The following RAD51AP1 variants were observed in gnomAD, a reference collection of about 807,000 sequenced individuals.
RAD51AP1 encodes the protein RAD51 associated protein 1.
A neutral mutation model predicts 34.3 loss-of-function variants in RAD51AP1; 14 were observed. That is an observed-to-expected ratio of 0.41 (90% CI 0.27 to 0.64). The LOEUF (loss-of-function observed/expected upper bound fraction) is 0.64. RAD51AP1 is among the 30% of genes least tolerant of loss of function. The pLI, the probability that RAD51AP1 is intolerant of heterozygous loss-of-function variation, is 0.33. For synonymous variants in RAD51AP1, 114 were observed against 129.8 expected, an observed-to-expected ratio of 0.88 and a Z score of 0.83; for missense variants, 348 against 386.9, an observed-to-expected ratio of 0.90 and a Z score of 0.84.
Position 4,548,037 on chromosome 12 carries a change from A to T in RAD51AP1, c.320-55A>T, listed in dbSNP as rs7314915. 337,812 of 1,508,472 alleles carry T rather than the reference A, an allele frequency of 0.22. 41,552 individuals carry two copies. Among genetic ancestry groups the T allele is most frequent in the African/African-American group, 0.44 (30,413 of 69,750 alleles). The allele number at this position is 1,508,472 out of a possible 1,614,324, so 93.4% of individuals were successfully genotyped here. ...TACATTTTAGTACTAATTTTCCTATATCTAGACATTGATTAAGATATATCT... is the reference window on the plus strand; with the variant it reads ...TACATTTTAGTACTAATTTTCCTATTTCTAGACATTGATTAAGATATATCT... On this transcript the variant is annotated intron_variant, in intron 4 of 8. Coordinates refer to ENST00000352618, the MANE Select transcript of RAD51AP1 (RefSeq NM_006479.5).
chr12:4,557,596 C>T (rs932790142), intron 8 of RAD51AP1, among the ~76,000 whole-genome samples: 1 of 151,954 alleles, frequency 6.6e-6, no homozygotes, highest in Non-Finnish European at 1.5e-5. Flanking sequence ...ATTAATGCTT[C>T]CCCAATGAAG....
At chr12:4,541,807 T>C (rs1944468342) in intron 1 of RAD51AP1, 77 bp from the exon 2 acceptor site, 1 of 548,638 alleles carries the variant, frequency 1.8e-6, no homozygotes, top group Admixed American at 3.2e-5. Flanking sequence ...AAATAAATAA[T>C]ATTCATTAAT....
intron 2 of RAD51AP1, 65 bp downstream of exon 2, chr12:4,541,998 C>A: frequency 1.8e-6 from 2 of 1,087,164 alleles, no homozygotes; most frequent in Non-Finnish European, 2.6e-6. Flanking sequence ...ATTTATATGA[C>A]ATATATAGCT....
chr12:4,556,334 C>A lies in RAD51AP1; in HGVS notation c.722-19C>A, dbSNP rs71579241. ...TCTTCCTGCATGACAAACATTTTTA[C>A]GTATATTTTTCAAATAAGTGACTTC... On this transcript the variant is annotated intron_variant, in intron 7 of 8. Transcript: ENST00000352618. 28,421 of 1,581,624 alleles carry A rather than the reference C, an allele frequency of 0.018. 324 individuals carry two copies. Among genetic ancestry groups the A allele is most frequent in the Non-Finnish European group, 0.021 (24,732 of 1,154,846 alleles).
chr12:4,539,165 A>T (rs1255041000), intron 1 of RAD51AP1, among the ~76,000 whole-genome samples: 2 of 152,206 alleles, frequency 1.3e-5, no homozygotes, highest in African/African-American at 4.8e-5. Context: ...CTCCCTTCAC[A>T]ACCGTCGCCG....
Position 4,548,142 on chromosome 12 carries a change from C to A in RAD51AP1, c.370C>A (p.His124Asn). 1 of 1,602,902 alleles carries A rather than the reference C, an allele frequency of 6.2e-7. No individual in the cohort carries two copies. Among genetic ancestry groups the A allele is most frequent in the South Asian group, 1.1e-5 (1 of 87,078 alleles). The change falls in exon 5 of 9, where the codon CAT becomes AAT. Residue 124 changes from histidine to asparagine, a missense_variant. By Grantham distance (68) the His-to-Asn change is moderately conservative (BLOSUM62 1). Transcript: ENST00000352618. Reference sequence around the variant, plus strand: ...AATAGAAACAATGAATAAGTCTCCTCATATCTCTAATTGCAGTGTAGCCAG... The same window carrying A: ...AATAGAAACAATGAATAAGTCTCCTAATATCTCTAATTGCAGTGTAGCCAG... The part of the protein sequence containing the change: ...SKIETMNKSP[H>N]ISNCSVASDY...
intron 7 of RAD51AP1, among the ~76,000 whole-genome samples, chr12:4,553,435 G>C (rs1944561112): frequency 6.6e-6 from 1 of 152,186 alleles, no homozygotes; most frequent in Admixed American, 6.5e-5. Context: ...GAGTGTCAGA[G>C]AGGTTAAATA....
chr12:4,558,287 A>C (rs904017983), intron 8 of RAD51AP1, among the ~76,000 whole-genome samples: 1 of 152,214 alleles, frequency 6.6e-6, no homozygotes, highest in Non-Finnish European at 1.5e-5. Flanking sequence ...TAGCAGGTAT[A>C]ATTATTTATT....
At chr12:4,557,265 T>A (rs930617988) in intron 8 of RAD51AP1, among the ~76,000 whole-genome samples, 1 of 152,152 alleles carries the variant, frequency 6.6e-6, no homozygotes, top group Non-Finnish European at 1.5e-5. Flanking sequence ...CCCCTCTCCT[T>A]GCCTGAGCCC....
intron 7 of RAD51AP1, among the ~76,000 whole-genome samples, chr12:4,554,422 A>G (rs1436027615): frequency 6.6e-6 from 1 of 152,230 alleles, no homozygotes; most frequent in Non-Finnish European, 1.5e-5. Flanking sequence ...GTAAGGTAAC[A>G]TATTCACATG....
intron 4 of RAD51AP1, among the ~76,000 whole-genome samples, chr12:4,547,390 T>C (rs1288430651): frequency 6.6e-6 from 1 of 152,152 alleles, no homozygotes; most frequent in Non-Finnish European, 1.5e-5. Flanking sequence ...GAAATGAAAG[T>C]TTGATTAGGA....
rs372305452 is a variant in RAD51AP1, at chr12:4,540,383, G to A, written c.17+1427G>A. ...TGGAAACTTCTCTAGAGGTCTATGA[G>A]GTCAAAACTCCTTTCATAACAATAC... On this transcript the variant is annotated intron_variant, in intron 1 of 8. Coordinates refer to ENST00000352618, the MANE Select transcript of RAD51AP1 (RefSeq NM_006479.5). Among the ~76,000 whole-genome samples, 5 of 152,172 alleles carry A rather than the reference G, an allele frequency of 3.3e-5. No homozygotes were observed. The East Asian group carries it at 7.7e-4, about 23-fold the overall frequency.
At chr12:4,546,686 A>G (rs1944508726) in intron 4 of RAD51AP1, among the ~76,000 whole-genome samples, 1 of 152,232 alleles carries the variant, frequency 6.6e-6, no homozygotes, top group Non-Finnish European at 1.5e-5. Context: ...GTTGTTGTAC[A>G]GTGAACATTT....
chr12:4,559,115 T>G lies in RAD51AP1; in HGVS notation c.*122T>G. The stretch of plus-strand genomic sequence containing the variant: ...TAAAGGAATCCATTACCATGTCCTA[T>G]AAATGACCTCTAGCCATTTTATGAT... On this transcript the variant is annotated 3_prime_UTR_variant, in exon 9 of 9. Coordinates refer to ENST00000352618, the MANE Select transcript of RAD51AP1 (RefSeq NM_006479.5). 8.2e-7 allele frequency: 1 copy of G among 1,219,514 alleles called. No homozygotes were observed. Among genetic ancestry groups the G allele is most frequent in the South Asian group, 1.5e-5 (1 of 66,498 alleles). The allele number at this position is 1,219,514 out of a possible 1,614,324, so 75.5% of individuals were successfully genotyped here.
chr12:4,554,969 G>A (rs977700806), intron 7 of RAD51AP1, among the ~76,000 whole-genome samples: 25 of 152,174 alleles, frequency 1.6e-4, no homozygotes, highest in Non-Finnish European at 3.4e-4. Context: ...TATATGGCTA[G>A]CGGCTACCAT....
Position 4,559,195 on chromosome 12 carries a change from T to C in RAD51AP1, c.*202T>C. Reference sequence around the variant, plus strand: ...CAATGAGAAGTTTGTTTATAAGAATTATCTTCTCATACCTTTCCTTGTGAA... The same window carrying C: ...CAATGAGAAGTTTGTTTATAAGAATCATCTTCTCATACCTTTCCTTGTGAA... On this transcript the variant is annotated 3_prime_UTR_variant, in exon 9 of 9. Coordinates refer to ENST00000352618, the MANE Select transcript of RAD51AP1 (RefSeq NM_006479.5). 1 of 552,526 alleles carries C rather than the reference T, an allele frequency of 1.8e-6. No individual in the cohort carries two copies. The highest frequency in any genetic ancestry group is 2.7e-5 in the South Asian group (1 of 37,060). 34.2% of individuals were successfully genotyped at this position (552,526 alleles called of 1,614,324 possible).
At chr12:4,554,281 C>T (rs1168967396) in intron 7 of RAD51AP1, among the ~76,000 whole-genome samples, 1 of 152,166 alleles carries the variant, frequency 6.6e-6, no homozygotes, top group African/African-American at 2.4e-5. Context: ...CATCATGTTA[C>T]TCGACTCTGA....
At chr12:4,539,017 T>A (rs368145585) in intron 1 of RAD51AP1, 61 bp downstream of exon 1, 151 of 1,572,136 alleles carry the variant, frequency 9.6e-5, no homozygotes, top group Non-Finnish European at 1.3e-4. Flanking sequence ...GACATGAGAC[T>A]AAGGGGAAAG....
rs1323386095 is a variant in RAD51AP1, at chr12:4,538,899, A to G, written c.-41A>G. ...AATTGAAACCGCCGCTGAAGCCAAC[A>G]AGAATTTGAGAACTGTAAATACCAA... On this transcript the variant is annotated 5_prime_UTR_variant, in exon 1 of 9. Coordinates refer to ENST00000352618, the MANE Select transcript of RAD51AP1 (RefSeq NM_006479.5). 1 of 1,612,110 alleles carries G rather than the reference A, an allele frequency of 6.2e-7. No homozygotes were observed.
Sources: allele counts gnomAD v4.1 joint callset (sites outside exome capture counted in the v4.1 genomes callset), GRCh38; gene constraint gnomAD v4.1.1; transcripts MANE v1.5; gene names NCBI Gene and HGNC (gene_info 2026-07-23, HGNC 2026-07-21).